Variants in DNAH8 observed in about 807,000 individuals in gnomAD.
DNAH8 encodes the protein axonemal beta dynein heavy chain 8.
DNAH8 carries 382 observed loss-of-function variants against 562.1 expected under a neutral mutation model. The ratio of observed to expected loss-of-function variants is 0.68; its 90% CI spans 0.63 to 0.74. DNAH8 has a LOEUF of 0.74. DNAH8 is among the 30% of genes least tolerant of loss of function. The probability of loss-of-function intolerance (pLI) is 0.00; values close to 1 mark genes in which losing one functional copy is unlikely to be tolerated. For missense variants in DNAH8, 5,203 were observed against 5,620.4 expected, an observed-to-expected ratio of 0.93 and a Z score of 2.37; for synonymous variants, 1,881 against 1,919.4, an observed-to-expected ratio of 0.98 and a Z score of 0.52.
chr6:38,814,328 C>G (rs755677092), intron 25 of DNAH8, among the ~76,000 whole-genome samples, 199 bp downstream of exon 25: 2 of 152,200 alleles, frequency 1.3e-5, no homozygotes, highest in Non-Finnish European at 2.9e-5. Flanking sequence ...CGCCTGTAAT[C>G]CCAACACTTT....
At chr6:38,834,360 C>T (rs1211455714) in intron 31 of DNAH8, among the ~76,000 whole-genome samples, 1 of 151,796 alleles carries the variant, frequency 6.6e-6, no homozygotes, top group East Asian at 1.9e-4. Context: ...TACTAAAAAT[C>T]ATTGACTTGT....
At chr6:38,716,084 G>A (rs1762322151) in intron 1 of DNAH8, among the ~76,000 whole-genome samples, 2 of 148,246 alleles carry the variant, frequency 1.3e-5, no homozygotes, top group African/African-American at 5.0e-5. Context: ...TCAGCCTCCC[G>A]AGTAGCTGGG....
chr6:38,723,865 A>C (rs1259530583), intron 3 of DNAH8, among the ~76,000 whole-genome samples: 1 of 152,132 alleles, frequency 6.6e-6, no homozygotes, highest in Non-Finnish European at 1.5e-5. Flanking sequence ...TCTAAAAAAC[A>C]AAAAAGAAAG....
intron 58 of DNAH8, among the ~76,000 whole-genome samples, chr6:38,891,973 C>G (rs1245179091): frequency 6.6e-6 from 1 of 152,188 alleles, no homozygotes; most frequent in African/African-American, 2.4e-5. Context: ...TCCTCTCCCT[C>G]TTACTTGACT....
Position 38,945,479 on chromosome 6 carries a change from T to C in DNAH8, c.12020T>C (p.Leu4007Pro). Residue 4007 changes from leucine to proline, a missense_variant, in exon 80 of 93, where the codon CTG becomes CCG. Physicochemically the swap from Leu to Pro is moderately conservative, Grantham distance 98 (BLOSUM62 -3). Around this residue, in one of 6 missense-constraint regions of DNAH8, gnomAD observed 1,399 missense variants for 1,518.4 expected, o/e 0.92. Transcript: ENST00000327475. ...FQALIKGGAALDLKACPPKPY... is the reference protein window; with the variant it reads ...FQALIKGGAAPDLKACPPKPY... The stretch of plus-strand genomic sequence containing the variant: ...CGCTCTTCCCCAGGGGGAGCAGCTC[T>C]GGACCTGAAAGCCTGTCCTCCCAAA... 1 of 1,614,180 alleles carries C rather than the reference T, an allele frequency of 6.2e-7. No individual in the cohort carries two copies. Among genetic ancestry groups the C allele is most frequent in the Non-Finnish European group, 8.5e-7 (1 of 1,179,996 alleles).
intron 82 of DNAH8, among the ~76,000 whole-genome samples, chr6:38,957,424 A>G (rs58092834): frequency 0.014 from 2,158 of 151,680 alleles, 53 homozygotes; most frequent in African/African-American, 0.046. Context: ...CAAATCACCC[A>G]GATAGAAAAT....
chr6:38,734,335 C>CCCA (rs70981586), intron 4 of DNAH8, 139 bp from the exon 5 acceptor site: 5,688 of 557,918 alleles, frequency 0.01, 133 homozygotes, highest in Middle Eastern at 0.017. Flanking sequence ...GACCCCCCCC[C>CCCA]AAAAAAATTA....
At chr6:38,755,224 A>G (rs1479387831) in intron 9 of DNAH8, among the ~76,000 whole-genome samples, 1 of 152,138 alleles carries the variant, frequency 6.6e-6, no homozygotes, top group Non-Finnish European at 1.5e-5. Context: ...GTGATGTTTT[A>G]TATCTGATGT....
At chr6:38,936,794 C>T (rs1279997966) in intron 77 of DNAH8, among the ~76,000 whole-genome samples, 1 of 152,162 alleles carries the variant, frequency 6.6e-6, no homozygotes, top group Admixed American at 6.5e-5. Flanking sequence ...CCAATTTGGA[C>T]TTCCACAGTA....
At chr6:38,971,547 G>A (rs781580450) in intron 82 of DNAH8, 45 bp from the exon 83 acceptor site, 7 of 1,195,762 alleles carry the variant, frequency 5.9e-6, no homozygotes, top group East Asian at 2.5e-5. Context: ...TAATCCTGCT[G>A]TAAGAGTTGT....
chr6:38,838,663 T>C (rs1234038353), intron 33 of DNAH8, among the ~76,000 whole-genome samples: 1 of 147,070 alleles, frequency 6.8e-6, no homozygotes, highest in Admixed American at 6.7e-5. Context: ...CCTCCCAAAG[T>C]GCTGGGATTA....
chr6:38,988,061 C>T (rs1029403640), intron 87 of DNAH8, among the ~76,000 whole-genome samples: 2 of 152,184 alleles, frequency 1.3e-5, no homozygotes, highest in Admixed American at 6.5e-5. Flanking sequence ...CCAGAGTTGC[C>T]CATGGGAGAA....
intron 91 of DNAH8, among the ~76,000 whole-genome samples, chr6:39,017,254 G>A (rs1186218748): frequency 6.6e-6 from 1 of 151,654 alleles, no homozygotes; most frequent in African/African-American, 2.4e-5. Flanking sequence ...GGATGGCCCT[G>A]GTCTGTTTTT....
chr6:38,874,204 T>C lies in DNAH8; in HGVS notation c.7620+828T>C, dbSNP rs202063752. Reference sequence around the variant, plus strand: ...TTTCTCTCTCTCTTTCTTTCTCTCTTTCTTTCTTTCTCTCTCGCTCTCTCT... The same window carrying C: ...TTTCTCTCTCTCTTTCTTTCTCTCTCTCTTTCTTTCTCTCTCGCTCTCTCT... On this transcript the variant is annotated intron_variant, in intron 52 of 92. Transcript: ENST00000327475. Among the ~76,000 whole-genome samples, 4 of 48,204 alleles carry C rather than the reference T, an allele frequency of 8.3e-5. 2 individuals carry two copies. The highest frequency in any genetic ancestry group is 2.6e-4 in the African/African-American group (4 of 15,134). The allele number at this position is 48,204 out of a possible 152,430, so 31.6% of individuals were successfully genotyped here.
intron 26 of DNAH8, among the ~76,000 whole-genome samples, chr6:38,818,289 C>T (rs765829743): frequency 1.3e-5 from 2 of 151,898 alleles, no homozygotes; most frequent in Non-Finnish European, 2.9e-5. Flanking sequence ...CTAGTCCATT[C>T]TATATATTTT....
In DNAH8 at chr6:38,741,818, G is replaced by A; in HGVS notation, c.1224G>A (p.Glu408=). ...CAGCCAAGTTCAACTATATCATTGA[G>A]CAGATTAAAGGGCCAAGTTGTAAGG... The part of the protein sequence containing the change: ...RMSAKFNYII[E]QIKGPSCKAV... Residue 408 remains glutamate, a synonymous_variant, in exon 8 of 93, where the codon GAG becomes GAA. Coordinates refer to ENST00000327475, the MANE Select transcript of DNAH8 (RefSeq NM_001206927.2). 6.2e-7 allele frequency: 1 copy of A among 1,614,116 alleles called. No homozygotes were observed. The highest frequency in any genetic ancestry group is 8.5e-7 in the Non-Finnish European group (1 of 1,179,992).
At chr6:38,767,127 G>T (rs996991609) in intron 11 of DNAH8, among the ~76,000 whole-genome samples, 10 of 152,080 alleles carry the variant, frequency 6.6e-5, no homozygotes, top group African/African-American at 2.4e-4. Context: ...CTGAAACTCT[G>T]TAGCCATTAA....
At chr6:38,859,921 A>G (rs568927991) in intron 42 of DNAH8, among the ~76,000 whole-genome samples, 2 of 151,654 alleles carry the variant, frequency 1.3e-5, no homozygotes, top group Non-Finnish European at 2.9e-5. Flanking sequence ...TGAACCCTCA[A>G]CTCTCATGCT....
At position 38,873,070 on chromosome 6, in the gene DNAH8, G is replaced by T; in HGVS notation, c.7402G>T (p.Ala2468Ser). 1.9e-6 allele frequency: 3 copies of T among 1,614,048 alleles called. No homozygotes were observed. The highest frequency in any genetic ancestry group is 1.1e-5 in the South Asian group (1 of 91,080). The change falls in exon 51 of 93, where the codon GCC (alanine) becomes TCC (serine). Residue 2468 changes from alanine to serine, a missense_variant. Around this residue, in one of 6 missense-constraint regions of DNAH8, gnomAD observed 977 missense variants for 1,061.8 expected, o/e 0.92. Coordinates refer to ENST00000327475, the MANE Select transcript of DNAH8 (RefSeq NM_001206927.2). The stretch of plus-strand genomic sequence containing the variant: ...GTTTGAAGTCCACAATATCGAGAAC[G>T]CCTCTCCTGCCACGGTTTCTAGGAT... ...LLFEVHNIEN[A>S]SPATVSRMGM...
Sources: allele counts gnomAD v4.1 joint callset (sites outside exome capture counted in the v4.1 genomes callset), GRCh38; gene constraint gnomAD v4.1.1; regional missense constraint gnomAD v4.1.1; transcripts MANE v1.5; gene names NCBI Gene and HGNC (gene_info 2026-07-23, HGNC 2026-07-21).